Variants in CYRIB observed in about 807,000 individuals in gnomAD.
CYRIB encodes CYFIP related Rac1 interactor B, also known as CYFIP-related Rac1 interactor B.
In CYRIB, 8 loss-of-function variants were observed where a neutral mutation model predicts 44.2. That is an observed-to-expected ratio of 0.18 (90% confidence interval 0.11 to 0.33). The LOEUF (loss-of-function observed/expected upper bound fraction) is 0.33, where lower values mean the gene tolerates loss of function less well. Among genes scored for constraint, CYRIB ranks in the 10% least tolerant of loss-of-function variants. The pLI, the probability that CYRIB is intolerant of heterozygous loss-of-function variation, is 1.00. For synonymous variants in CYRIB, 131 were observed against 127.2 expected (o/e 1.03, Z -0.20); for missense variants, 185 against 382.8 (o/e 0.48, Z 4.31).
intron 2 of CYRIB, among the ~76,000 whole-genome samples, chr8:129,946,126 T>TA (rs1392072865): frequency 2.6e-5 from 4 of 152,224 alleles, no homozygotes; most frequent in Admixed American, 6.5e-5. Context: ...TTTTTCCCTT[T>TA]AAAAAAACTC....
intron 3 of CYRIB, among the ~76,000 whole-genome samples, chr8:129,873,869 C>T (rs1430180266): frequency 2.0e-5 from 3 of 151,714 alleles, no homozygotes; most frequent in African/African-American, 7.3e-5. Flanking sequence ...AGAAAAACAC[C>T]CAGCACCACA....
At chr8:129,907,744 G>T (rs1183195028) in intron 1 of CYRIB, among the ~76,000 whole-genome samples, 4 of 152,202 alleles carry the variant, frequency 2.6e-5, no homozygotes, top group African/African-American at 7.2e-5. Flanking sequence ...GCTCACGCCT[G>T]TAAGCCCAGC....
chr8:129,970,515 G>A (rs1396841277), intron 2 of CYRIB: 1 of 151,692 alleles, frequency 6.6e-6, no homozygotes, highest in Non-Finnish European at 1.5e-5. Context: ...CGCCTCCTGG[G>A]TTCAAGTGAG....
exon 10 of CYRIB, chr8:129,849,245 C>A: frequency 6.3e-7 from 1 of 1,592,334 alleles, no homozygotes; most frequent in Non-Finnish European, 8.5e-7. Flanking sequence ...TAACTTACAT[C>A]AATTTTGGAA....
At chr8:129,978,788 C>T (rs551649138) in intron 1 of CYRIB, among the ~76,000 whole-genome samples, 3 of 152,246 alleles carry the variant, frequency 2.0e-5, no homozygotes, top group South Asian at 2.1e-4. Context: ...CAGCTAAGTG[C>T]GTGTACACAC....
At chr8:129,983,616 G>T (rs1410137668) in intron 1 of CYRIB, among the ~76,000 whole-genome samples, 1 of 152,220 alleles carries the variant, frequency 6.6e-6, no homozygotes, top group Non-Finnish European at 1.5e-5. Context: ...AGCCCCACCG[G>T]CAGGAAGGGA....
intron 1 of CYRIB, among the ~76,000 whole-genome samples, chr8:129,910,677 C>T (rs779906470): frequency 3.3e-5 from 5 of 152,068 alleles, no homozygotes; most frequent in South Asian, 2.1e-4. Flanking sequence ...ATACAACTGT[C>T]GTCTCAGCTA....
At chr8:129,969,275 A>T (rs576640813) in intron 2 of CYRIB, among the ~76,000 whole-genome samples, 28 of 152,198 alleles carry the variant, frequency 1.8e-4, no homozygotes, top group African/African-American at 6.7e-4. Flanking sequence ...TGGCCTCCCA[A>T]AGTGCTAGGA....
At chr8:129,869,159 G>A (rs962045002) in intron 4 of CYRIB, among the ~76,000 whole-genome samples, 3 of 151,610 alleles carry the variant, frequency 2.0e-5, no homozygotes, top group African/African-American at 7.3e-5. Flanking sequence ...GCGGAGGTGG[G>A]TGGATCACAT....
upstream of CYRIB, among the ~76,000 whole-genome samples, chr8:129,944,403 C>G (rs1415947817): frequency 6.6e-6 from 1 of 152,196 alleles, no homozygotes; most frequent in Admixed American, 6.5e-5. Flanking sequence ...CCTGGCTTAG[C>G]AGACAAACTG....
At chr8:129,965,006 T>C (rs931688351) in intron 2 of CYRIB, among the ~76,000 whole-genome samples, 3 of 152,200 alleles carry the variant, frequency 2.0e-5, no homozygotes, top group Admixed American at 1.3e-4. Flanking sequence ...CCTCACATCC[T>C]TACCCGTGTG....
chr8:129,892,652 G>A (rs1307546366), intron 2 of CYRIB, among the ~76,000 whole-genome samples: 1 of 152,114 alleles, frequency 6.6e-6, no homozygotes, highest in African/African-American at 2.4e-5. Flanking sequence ...TAAAACGCAA[G>A]AGCAATGGGC....
chr8:129,980,163 G>T (rs2096152076), intron 1 of CYRIB, among the ~76,000 whole-genome samples: 1 of 150,292 alleles, frequency 6.7e-6, no homozygotes, highest in East Asian at 1.9e-4. Context: ...CAGAGAAGGA[G>T]GTTGCAGTGA....
intron 1 of CYRIB, among the ~76,000 whole-genome samples, chr8:129,983,233 C>G (rs187230422): frequency 6.6e-6 from 1 of 152,116 alleles, no homozygotes; most frequent in African/African-American, 2.4e-5. Context: ...ATCACGAGGT[C>G]AGGAGATCGA....
At chr8:129,974,887 A>AT (rs1280918019) in intron 1 of CYRIB, among the ~76,000 whole-genome samples, 6,286 of 139,470 alleles carry the variant, frequency 0.045, 157 homozygotes, top group East Asian at 0.1. Flanking sequence ...CACCCAGATA[A>AT]TTTTTTTTTT....
chr8:129,973,824 C>T (rs908122554), intron 1 of CYRIB, among the ~76,000 whole-genome samples: 1 of 152,080 alleles, frequency 6.6e-6, no homozygotes, highest in African/African-American at 2.4e-5. Flanking sequence ...AAACACCCAG[C>T]GCTCTTATAC....
intron 1 of CYRIB, among the ~76,000 whole-genome samples, chr8:129,979,096 G>A (rs770705577): frequency 2.0e-5 from 3 of 152,052 alleles, no homozygotes; most frequent in African/African-American, 7.2e-5. Flanking sequence ...AGCGGAGATC[G>A]TGACACTGCA....
At chr8:129,950,167 T>C (rs1057338441) in intron 2 of CYRIB, among the ~76,000 whole-genome samples, 2 of 152,220 alleles carry the variant, frequency 1.3e-5, no homozygotes, top group African/African-American at 2.4e-5. Context: ...TTGTTGACAA[T>C]TGCTGTTTTA....
chr8:129,904,149 A>G (rs2135861453), intron 1 of CYRIB, among the ~76,000 whole-genome samples: 1 of 152,330 alleles, frequency 6.6e-6, no homozygotes, highest in South Asian at 2.1e-4. Flanking sequence ...AAATAAAGAC[A>G]TTAACCCCTT....
Sources: gnomAD v4.1 joint callset for allele counts (sites outside exome capture counted in the v4.1 genomes callset) on GRCh38, gnomAD v4.1.1 for gene constraint, MANE v1.5 for transcripts, NCBI Gene and HGNC (gene_info 2026-07-23, HGNC 2026-07-21) for gene names.